The following PAPPA2 variants were observed in gnomAD, a reference collection of about 807,000 sequenced individuals.
The protein encoded by PAPPA2 is pappalysin-2.
PAPPA2 carries 86 observed loss-of-function variants against 176.4 expected under a neutral mutation model. The observed-to-expected ratio is 0.49, with a 90% CI of 0.41 to 0.58. The LOEUF is 0.58. PAPPA2 is among the 20% of genes least tolerant of loss of function. PAPPA2 has a pLI of 0.00. For synonymous variants in PAPPA2, 809 were observed against 852.2 expected (o/e 0.95, Z 0.88); for missense variants, 2,073 against 2,256.9 (o/e 0.92, Z 1.65).
At chr1:176,834,828 A>G (rs987896372) in intron 21 of PAPPA2, among the ~76,000 whole-genome samples, 3 of 152,102 alleles carry the variant, frequency 2.0e-5, no homozygotes, top group African/African-American at 7.2e-5. Context: ...AAAATTAGCC[A>G]GTTGTGGTGG....
intron 1 of PAPPA2, among the ~76,000 whole-genome samples, chr1:176,510,534 C>G (rs1648531589): frequency 6.6e-6 from 1 of 151,928 alleles, no homozygotes; most frequent in African/African-American, 2.4e-5. Context: ...ATAAGACATT[C>G]TTGAGGAAGA....
At chr1:176,537,581 G>T (rs1462557747) in intron 1 of PAPPA2, among the ~76,000 whole-genome samples, 1 of 152,192 alleles carries the variant, frequency 6.6e-6, no homozygotes, top group Non-Finnish European at 1.5e-5. Flanking sequence ...AATAGACCTT[G>T]CACCTTGTCC....
chr1:176,539,113 A>T (rs1650232750), intron 1 of PAPPA2, among the ~76,000 whole-genome samples: 1 of 152,202 alleles, frequency 6.6e-6, no homozygotes, highest in Non-Finnish European at 1.5e-5. Flanking sequence ...TAATCCCCTC[A>T]CCAAACCCTT....
At chr1:176,640,039 C>T (rs1012185789) in intron 3 of PAPPA2, among the ~76,000 whole-genome samples, 1 of 151,536 alleles carries the variant, frequency 6.6e-6, no homozygotes, top group African/African-American at 2.4e-5. Context: ...AAAGGGCAAG[C>T]CTATATTATC....
chr1:176,763,020 A>G (rs948528280), intron 14 of PAPPA2, among the ~76,000 whole-genome samples: 2 of 152,262 alleles, frequency 1.3e-5, no homozygotes, highest in Non-Finnish European at 2.9e-5. Context: ...GAGCAGGGTC[A>G]GCAACTTTAG....
intron 12 of PAPPA2, among the ~76,000 whole-genome samples, chr1:176,726,152 C>T (rs1180851946): frequency 6.6e-6 from 1 of 152,146 alleles, no homozygotes; most frequent in Non-Finnish European, 1.5e-5. Context: ...ATGATTTACT[C>T]ATTATGTCTC....
At chr1:176,744,906 AT>A (rs1662840016) in intron 14 of PAPPA2, among the ~76,000 whole-genome samples, 1 of 152,176 alleles carries the variant, frequency 6.6e-6, no homozygotes, top group Non-Finnish European at 1.5e-5. Context: ...TATTGTTAGT[AT>A]TTAAATGGGA....
intron 3 of PAPPA2, among the ~76,000 whole-genome samples, chr1:176,662,784 G>A (rs904854647): frequency 6.6e-6 from 1 of 151,986 alleles, no homozygotes; most frequent in Non-Finnish European, 1.5e-5. Flanking sequence ...TTTTCCTCTT[G>A]AGAGTCCTAG....
At chr1:176,682,315 G>A (rs1274135652) in intron 4 of PAPPA2, among the ~76,000 whole-genome samples, 1 of 152,178 alleles carries the variant, frequency 6.6e-6, no homozygotes, top group Non-Finnish European at 1.5e-5. Flanking sequence ...AAGGCATAAA[G>A]CACTAGTGTG....
intron 1 of PAPPA2, among the ~76,000 whole-genome samples, chr1:176,513,575 A>T (rs1648741337): frequency 6.6e-6 from 1 of 152,094 alleles, no homozygotes; most frequent in Non-Finnish European, 1.5e-5. Flanking sequence ...CTGAGTTCCC[A>T]TCCTAGTTCT....
chr1:176,801,117 A>ACG (rs987243139), intron 21 of PAPPA2, among the ~76,000 whole-genome samples: 8 of 150,644 alleles, frequency 5.3e-5, no homozygotes, highest in Middle Eastern at 3.4e-3. Context: ...ACACACACAC[A>ACG]CACACACCAT....
intron 1 of PAPPA2, among the ~76,000 whole-genome samples, chr1:176,538,036 T>G (rs1208726271): frequency 6.6e-6 from 1 of 152,092 alleles, no homozygotes; most frequent in Non-Finnish European, 1.5e-5. Context: ...CTGAAAAGCT[T>G]TAAGGAAGAC....
chr1:176,791,200 TTG>T, intron 18 of PAPPA2, 145 bp from the exon 19 acceptor site: 7 of 307,280 alleles, frequency 2.3e-5, no homozygotes, highest in Admixed American at 5.3e-5. Flanking sequence ...TTTTTTTTTT[TTG>T]GCCAGTAACA....
intron 3 of PAPPA2, among the ~76,000 whole-genome samples, chr1:176,599,171 ATATG>A (rs891532415): frequency 1.1e-4 from 16 of 151,484 alleles, no homozygotes; most frequent in African/African-American, 2.9e-4. Flanking sequence ...ATACACCCAT[ATATG>A]TATGTATGTA....
intron 3 of PAPPA2, among the ~76,000 whole-genome samples, chr1:176,600,169 T>G (rs1654227959): frequency 6.6e-6 from 1 of 152,234 alleles, no homozygotes; most frequent in African/African-American, 2.4e-5. Context: ...AGAAGTTCAG[T>G]AATTTTATCT....
At position 176,789,795 on chromosome 1, in the gene PAPPA2, TTA is replaced by T. The variant is rs2102936454; in HGVS notation, c.4716-12_4716-11del. 6.2e-7 allele frequency: 1 copy of T among 1,606,616 alleles called. No homozygotes were observed. Among genetic ancestry groups the T allele is most frequent in the South Asian group, 1.1e-5 (1 of 90,208 alleles). On this transcript the variant is annotated splice_polypyrimidine_tract_variant and intron_variant, in intron 17 of 22. Transcript: ENST00000367662. ...AAGATTCTGATGAGCTATTTTTGTT[TTA>T]TGTTTTATCAGCAAGCTCCTGAAGA...
At chr1:176,561,432 A>C (rs530459017) in intron 2 of PAPPA2, among the ~76,000 whole-genome samples, 1 of 152,154 alleles carries the variant, frequency 6.6e-6, no homozygotes, top group African/African-American at 2.4e-5. Flanking sequence ...GTTCTAACCC[A>C]CTAACCTATC....
At position 176,595,034 on chromosome 1, in the gene PAPPA2, G is replaced by A. The variant is rs1653886453; in HGVS notation, c.1430G>A (p.Arg477Gln). ...CCCTTTAGAGATGAGAAGTACCCACGACTTGAGGTTCTCCAGGGCTTTGAG... is the reference window on the plus strand; with the variant it reads ...CCCTTTAGAGATGAGAAGTACCCACAACTTGAGGTTCTCCAGGGCTTTGAG... Reference protein sequence around the residue: ...WVPFRDEKYPRLEVLQGFEPE... With the variant: ...WVPFRDEKYPQLEVLQGFEPE... The change falls in exon 3 of 23, where the codon CGA becomes CAA. Residue 477 changes from arginine to glutamine, a missense_variant. Physicochemically the swap from Arg to Gln is conservative, Grantham distance 43. Around this residue, in one of 4 missense-constraint regions of PAPPA2, gnomAD observed 1,196 missense variants for 1,330.4 expected, o/e 0.90. Coordinates refer to ENST00000367662, the MANE Select transcript of PAPPA2 (RefSeq NM_020318.3). The A allele has an allele frequency of 6.2e-7, 1 of 1,614,164 alleles. No homozygotes were observed. Among genetic ancestry groups the A allele is most frequent in the Non-Finnish European group, 8.5e-7 (1 of 1,180,024 alleles).
At chr1:176,607,276 T>A (rs1414672616) in intron 3 of PAPPA2, among the ~76,000 whole-genome samples, 1 of 152,146 alleles carries the variant, frequency 6.6e-6, no homozygotes, top group Non-Finnish European at 1.5e-5. Flanking sequence ...TTAACTATAG[T>A]CACTCTACTC....
Sources: gnomAD v4.1 joint callset for allele counts (sites outside exome capture counted in the v4.1 genomes callset) on GRCh38, gnomAD v4.1.1 for gene constraint, gnomAD v4.1.1 regional missense constraint, MANE v1.5 for transcripts, NCBI Gene and HGNC (gene_info 2026-07-23, HGNC 2026-07-21) for gene names.